CORO1C: variants seen among roughly 807,000 people sequenced by gnomAD.
CORO1C encodes coronin 1C.
In CORO1C, 14 loss-of-function variants were observed where a neutral mutation model predicts 51.2. The ratio of observed to expected loss-of-function variants is 0.27; its 90% CI spans 0.18 to 0.43. The LOEUF (loss-of-function observed/expected upper bound fraction) is 0.43. CORO1C is among the 20% of genes least tolerant of loss of function. CORO1C has a pLI of 1.00. For missense variants in CORO1C, 417 were observed against 607.8 expected, an observed-to-expected ratio of 0.69 and a Z score of 3.30; for synonymous variants, 181 against 210.5, an observed-to-expected ratio of 0.86 and a Z score of 1.21.
chr12:108,658,796 G>A lies in CORO1C; in HGVS notation c.572C>T (p.Thr191Ile). The change falls in exon 5 of 11, where the codon ACA becomes ATA. Residue 191 changes from threonine (T) to isoleucine (I), a missense_variant. Coordinates refer to ENST00000261401, the MANE Select transcript of CORO1C (RefSeq NM_014325.4). The surrounding 1 kb of genome is among the most constrained non-coding windows in gnomAD (Gnocchi z 4.9). ...TCTCACTTTCTTGTCTTTGGAAGCTGTGCAGATCAGACTGCCATTCCGGTT... is the reference window on the plus strand; with the variant it reads ...TCTCACTTTCTTGTCTTTGGAAGCTATGCAGATCAGACTGCCATTCCGGTT... ...SWNRNGSLIC[T>I]ASKDKKVRVI... The A allele has an allele frequency of 6.2e-7, 1 of 1,613,826 alleles. No individual in the cohort carries two copies. The highest frequency in any genetic ancestry group is 8.5e-7 in the Non-Finnish European group (1 of 1,179,706).
chr12:108,688,229 G>A (rs1354443112), intron 2 of CORO1C, among the ~76,000 whole-genome samples: 3 of 151,880 alleles, frequency 2.0e-5, no homozygotes, highest in East Asian at 1.9e-4. Flanking sequence ...CTTATTTATC[G>A]ATCTCACATC....
At chr12:108,675,381 T>C (rs546435103) in intron 3 of CORO1C, among the ~76,000 whole-genome samples, 6 of 152,068 alleles carry the variant, frequency 3.9e-5, no homozygotes, top group Non-Finnish European at 8.8e-5. Context: ...TCAGAAATCT[T>C]GAAGAGGTTT....
intron 1 of CORO1C, among the ~76,000 whole-genome samples, chr12:108,729,024 A>G (rs2035654514): frequency 6.6e-6 from 1 of 152,216 alleles, no homozygotes; most frequent in South Asian, 2.1e-4. Flanking sequence ...ATATGTTTCT[A>G]AAGTACCAGT....
At chr12:108,660,526 A>C (rs1312118249) in intron 4 of CORO1C, among the ~76,000 whole-genome samples, 1 of 152,194 alleles carries the variant, frequency 6.6e-6, no homozygotes, top group African/African-American at 2.4e-5. Context: ...AGTTGAAGCT[A>C]AACTCTGGGA....
In CORO1C at chr12:108,647,389, T is replaced by TG; in HGVS notation, c.*13dup. 1 of 1,513,766 alleles carries TG rather than the reference T, an allele frequency of 6.6e-7. No homozygotes were observed. Among genetic ancestry groups the TG allele is most frequent in the Non-Finnish European group, 9.0e-7 (1 of 1,107,968 alleles). The allele number at this position is 1,513,766 out of a possible 1,614,324, so 93.8% of individuals were successfully genotyped here. A position where few individuals can be genotyped will look rare whatever the true frequency, so the allele number is the denominator to read the frequency against. Reference sequence around the variant, plus strand: ...CTTGCTCCCATTTTTTCTGTAGGGGTGGGGGTGGGACCTTCAGGCTGCTAT... The same window carrying TG: ...CTTGCTCCCATTTTTTCTGTAGGGGTGGGGGGTGGGACCTTCAGGCTGCTAT... On this transcript the variant is annotated 3_prime_UTR_variant, in exon 11 of 11. Transcript: ENST00000261401.
chr12:108,655,616 G>A (rs979629674), intron 6 of CORO1C, among the ~76,000 whole-genome samples: 3 of 152,248 alleles, frequency 2.0e-5, no homozygotes, highest in Non-Finnish European at 4.4e-5. Context: ...TCCTGACCAC[G>A]AGTAATCCGC....
chr12:108,673,017 C>A (rs2033775530), intron 3 of CORO1C, among the ~76,000 whole-genome samples: 1 of 152,102 alleles, frequency 6.6e-6, no homozygotes. Context: ...AATTAATAAC[C>A]CTAAATGACC....
At chr12:108,655,174 A>G (rs1241001171) in intron 6 of CORO1C, among the ~76,000 whole-genome samples, 1 of 152,136 alleles carries the variant, frequency 6.6e-6, no homozygotes, top group Non-Finnish European at 1.5e-5. Flanking sequence ...GTACACAGAG[A>G]TTGAGATGAT....
intron 1 of CORO1C, among the ~76,000 whole-genome samples, chr12:108,714,630 C>T (rs1242764744): frequency 6.6e-6 from 1 of 151,504 alleles, no homozygotes; most frequent in Non-Finnish European, 1.5e-5. Flanking sequence ...GGCATGATGG[C>T]GCATGCCTGT....
At chr12:108,648,938 A>C in intron 9 of CORO1C, 25 bp downstream of exon 9, 1 of 1,612,422 alleles carries the variant, frequency 6.2e-7, no homozygotes, top group Non-Finnish European at 8.5e-7. Context: ...TAAAATATGG[A>C]TTGTCTAGAA....
chr12:108,701,092 T>C (rs942486542), intron 2 of CORO1C, 32 bp downstream of exon 2: 3 of 1,600,066 alleles, frequency 1.9e-6, no homozygotes, highest in Non-Finnish European at 2.6e-6. Flanking sequence ...TATCAGAGGG[T>C]GTCTACCAGA....
chr12:108,712,416 T>C (rs1192649951), intron 1 of CORO1C, among the ~76,000 whole-genome samples: 1 of 150,848 alleles, frequency 6.6e-6, no homozygotes, highest in African/African-American at 2.4e-5. Flanking sequence ...TCTAGTAAAA[T>C]ACAAAAAATC....
chr12:108,720,305 T>A (rs10746130), intron 1 of CORO1C, among the ~76,000 whole-genome samples: 85,145 of 152,016 alleles, frequency 0.56, 24,674 homozygotes, highest in East Asian at 0.99. Context: ...TCAATTAAGT[T>A]AATTTGTGAT....
chr12:108,698,532 G>GAGT (rs2034764145), intron 2 of CORO1C, among the ~76,000 whole-genome samples: 1 of 152,190 alleles, frequency 6.6e-6, no homozygotes, highest in South Asian at 2.1e-4. Flanking sequence ...TCAGCCTCCT[G>GAGT]AGTAGCTGGG....
At chr12:108,655,993 C>A (rs1475501597) in intron 6 of CORO1C, among the ~76,000 whole-genome samples, 1 of 151,532 alleles carries the variant, frequency 6.6e-6, no homozygotes, top group African/African-American at 2.4e-5. Flanking sequence ...TGCTCCGCCG[C>A]CCCGTCTGGG....
Position 108,652,054 on chromosome 12 carries a change from T to TC in CORO1C, c.1001+217dup, listed in dbSNP as rs746180650. On this transcript the variant is annotated intron_variant, in intron 8 of 10. Transcript: ENST00000261401. ...AAAAAAAAGTGAGATTTTTTTCTTT[T>TC]CTTTTTTTTTTTTTTTTGAGATTTT... 488 of 282,920 alleles carry TC rather than the reference T, an allele frequency of 1.7e-3. 2 individuals are homozygous for TC. Among genetic ancestry groups the TC allele is most frequent in the Non-Finnish European group, 2.6e-3 (430 of 162,420 alleles). The allele number at this position is 282,920 out of a possible 1,614,324, so 17.5% of individuals were successfully genotyped here.
chr12:108,672,511 A>C (rs2033756560), intron 3 of CORO1C, among the ~76,000 whole-genome samples: 1 of 152,174 alleles, frequency 6.6e-6, no homozygotes, highest in South Asian at 2.1e-4. Context: ...AGGATGTTCT[A>C]ATTCTTCTTC....
At chr12:108,670,868 A>AC (rs924282987) in intron 3 of CORO1C, among the ~76,000 whole-genome samples, 4 of 152,022 alleles carry the variant, frequency 2.6e-5, no homozygotes, top group African/African-American at 9.7e-5. Context: ...AGAACTTGAA[A>AC]AACTCAAAAC....
At chr12:108,710,885 T>C (rs139146685) in intron 1 of CORO1C, among the ~76,000 whole-genome samples, 9 of 152,270 alleles carry the variant, frequency 5.9e-5, no homozygotes, top group African/African-American at 1.9e-4. Context: ...ACATGTTGGG[T>C]GAATATTTTA....
Sources: gnomAD v4.1 joint callset for allele counts (sites outside exome capture counted in the v4.1 genomes callset) on GRCh38, gnomAD v4.1.1 for gene constraint, Gnocchi (gnomAD v3.1) non-coding constraint, MANE v1.5 for transcripts, NCBI Gene and HGNC (gene_info 2026-07-23, HGNC 2026-07-21) for gene names.